LPIN1: variants seen among roughly 807,000 people sequenced by gnomAD.
LPIN1 encodes phosphatidate phosphatase LPIN1.
In LPIN1, 71 loss-of-function variants were observed where a neutral mutation model predicts 107.5. That is an observed-to-expected ratio of 0.66 (90% CI 0.55 to 0.80). LPIN1 has a LOEUF of 0.80. LPIN1 is among the 30% of genes least tolerant of loss of function. The pLI, the probability that LPIN1 is intolerant of heterozygous loss-of-function variation, is 0.00. For missense variants in LPIN1, 1,043 were observed against 1,160.6 expected, an observed-to-expected ratio of 0.90 and a Z score of 1.47; for synonymous variants, 445 against 452.6, an observed-to-expected ratio of 0.98 and a Z score of 0.21.
chr2:11,711,785 G>T (rs2148524452), intron 1 of LPIN1, among the ~76,000 whole-genome samples: 1 of 152,214 alleles, frequency 6.6e-6, no homozygotes, highest in African/African-American at 2.4e-5. Flanking sequence ...TCACTTCTCT[G>T]CCTCGAATCC....
rs563551469 is a variant in LPIN1 at position 11,759,425 on chromosome 2, A to G, written c.-9-6108A>G. On this transcript the variant is annotated intron_variant, in intron 1 of 20. Coordinates refer to ENST00000674199, the MANE Select transcript of LPIN1 (RefSeq NM_001349206.2). ...CCTTCAAGCATCTGTTTAACAAAGC[A>G]CATCTTGCACCGCCCTTAATCCATT... Among the ~76,000 whole-genome samples the G allele has an allele frequency of 1.9e-4, 29 of 152,238 alleles. No homozygotes were observed. In the South Asian group the frequency reaches 4.4e-3, roughly 23 times the overall value.
intron 12 of LPIN1, 138 bp from the exon 13 acceptor site, chr2:11,791,776 C>T (rs546867021): frequency 3.0e-5 from 44 of 1,488,930 alleles, no homozygotes; most frequent in Middle Eastern, 1.8e-4. Flanking sequence ...AAATTTTTAA[C>T]GCACAAATAG....
At chr2:11,764,127 A>T (rs1670398845) in intron 1 of LPIN1, 1 of 141,876 alleles carries the variant, frequency 7.0e-6, no homozygotes, top group Non-Finnish European at 1.5e-5. Flanking sequence ...CACAACGACT[A>T]AAATATATGT....
chr2:11,795,726 A>G (rs142681953), intron 14 of LPIN1, among the ~76,000 whole-genome samples: 10 of 152,388 alleles, frequency 6.6e-5, no homozygotes, highest in African/African-American at 2.4e-4. Flanking sequence ...TAATATAACT[A>G]GAGCATTTCT....
rs754257739 is a variant in LPIN1 at position 11,779,501 on chromosome 2, C to T, written c.831-18C>T. 5 of 1,612,446 alleles carry T rather than the reference C, an allele frequency of 3.1e-6. No homozygotes were observed. In the African/African-American group the frequency reaches 4.0e-5, roughly 13 times the overall value. On this transcript the variant is annotated intron_variant, in intron 6 of 20. Coordinates refer to ENST00000674199, the MANE Select transcript of LPIN1 (RefSeq NM_001349206.2). ...GTTTCTTTTCCCACCTTAATTTTCG[C>T]TTTGTGTTTTCCTTAAGTCCTTCCG...
rs1473953468 is a variant in LPIN1, at chr2:11,765,873, T to C, written c.192+140T>C. 4.4e-6 allele frequency: 3 copies of C among 685,684 alleles called. No individual in the cohort carries two copies. The highest frequency in any genetic ancestry group is 7.2e-6 in the Non-Finnish European group (3 of 413,874). 42.5% of individuals were successfully genotyped at this position (685,684 alleles called of 1,614,324 possible). On this transcript the variant is annotated intron_variant, in intron 2 of 20. Transcript: ENST00000674199. The surrounding 1 kb of genome is among the most constrained non-coding windows in gnomAD (Gnocchi z 4.4). ...AAATGGCCAGTCACGGAACTGACAG[T>C]GACTAATTGAAATTATTCTAGTTAG...
intron 12 of LPIN1, among the ~76,000 whole-genome samples, chr2:11,789,782 A>G (rs1431285728): frequency 7.0e-6 from 1 of 142,350 alleles, no homozygotes; most frequent in Non-Finnish European, 1.6e-5. Context: ...GGCCATTGCA[A>G]TAGCAATATA....
chr2:11,815,034 C>A, intron 17 of LPIN1, 54 bp from the exon 18 acceptor site: 1 of 1,535,960 alleles, frequency 6.5e-7, no homozygotes, highest in Non-Finnish European at 9.0e-7. Flanking sequence ...TTTATGAATG[C>A]AGAAAGGTTC....
intron 1 of LPIN1, among the ~76,000 whole-genome samples, chr2:11,696,220 C>T (rs1662571894): frequency 6.9e-6 from 1 of 143,946 alleles, no homozygotes; most frequent in Admixed American, 6.9e-5. Flanking sequence ...GTGTGGTGTT[C>T]CCCTCCCTGT....
intron 20 of LPIN1, among the ~76,000 whole-genome samples, chr2:11,821,039 A>G (rs976759718): frequency 1.4e-4 from 22 of 152,076 alleles, no homozygotes; most frequent in Non-Finnish European, 3.1e-4. Flanking sequence ...GCTTAGAATC[A>G]CTCTTGACTT....
chr2:11,700,737 G>A (rs572861698), intron 1 of LPIN1, among the ~76,000 whole-genome samples: 11 of 152,230 alleles, frequency 7.2e-5, no homozygotes, highest in South Asian at 6.2e-4. Flanking sequence ...CTAATTAAAC[G>A]TCCCCCTGGG....
At chr2:11,755,112 C>G (rs1195470070) in intron 1 of LPIN1, among the ~76,000 whole-genome samples, 2 of 151,930 alleles carry the variant, frequency 1.3e-5, no homozygotes, top group Admixed American at 6.5e-5. Context: ...ACTACAGGCG[C>G]CCGCCACCAT....
intron 1 of LPIN1, among the ~76,000 whole-genome samples, chr2:11,688,544 A>C (rs560827825): frequency 6.6e-6 from 1 of 152,294 alleles, no homozygotes; most frequent in African/African-American, 2.4e-5. Flanking sequence ...AGCCCTTCGC[A>C]GAAACATCTT....
At chr2:11,781,659 A>G (rs1673587379) in intron 7 of LPIN1, among the ~76,000 whole-genome samples, 2 of 152,218 alleles carry the variant, frequency 1.3e-5, no homozygotes, top group African/African-American at 4.8e-5. Flanking sequence ...AAATACACAC[A>G]TTGTAAATGT....
At chr2:11,767,005 AG>A (rs984495937) in intron 2 of LPIN1, among the ~76,000 whole-genome samples, 1 of 152,156 alleles carries the variant, frequency 6.6e-6, no homozygotes, top group Admixed American at 6.5e-5. Context: ...CCGTTCAGTC[AG>A]TTGCGAGCTT....
rs1420010042 is a variant in LPIN1, at chr2:11,776,206, T to C, written c.830+13T>C. The C allele has an allele frequency of 6.8e-7, 1 of 1,478,692 alleles. No homozygotes were observed. The highest frequency in any genetic ancestry group is 2.5e-5 in the East Asian group (1 of 40,348). 91.6% of individuals were successfully genotyped at this position (1,478,692 alleles called of 1,614,324 possible). A position where few individuals can be genotyped will look rare whatever the true frequency, so the allele number is the denominator to read the frequency against. ...ATCCTTCGGAAAGGTAGAGGAGTTA[T>C]TTTCCCCATTGGGATATATTCAATA... On this transcript the variant is annotated intron_variant, in intron 6 of 20. Coordinates refer to ENST00000674199, the MANE Select transcript of LPIN1 (RefSeq NM_001349206.2).
chr2:11,811,850 TA>T (rs1408619663), intron 17 of LPIN1, among the ~76,000 whole-genome samples: 6 of 152,104 alleles, frequency 3.9e-5, no homozygotes, highest in Non-Finnish European at 5.9e-5. Context: ...CTGGGCGTGG[TA>T]GTGCATGCCT....
chr2:11,679,727 C>T (rs1250085086), intron 1 of LPIN1, among the ~76,000 whole-genome samples: 1 of 152,246 alleles, frequency 6.6e-6, no homozygotes, highest in African/African-American at 2.4e-5. Flanking sequence ...ACCCCTGCCC[C>T]GGCAGTCTCT....
intron 1 of LPIN1, among the ~76,000 whole-genome samples, chr2:11,693,281 C>A (rs2148509054): frequency 6.7e-6 from 1 of 149,322 alleles, no homozygotes; most frequent in African/African-American, 2.5e-5. Context: ...GCATGTTTAG[C>A]AAATTGCCCA....
Sources: gnomAD v4.1 joint callset for allele counts (sites outside exome capture counted in the v4.1 genomes callset) on GRCh38, gnomAD v4.1.1 for gene constraint, Gnocchi (gnomAD v3.1) non-coding constraint, MANE v1.5 for transcripts, NCBI Gene and HGNC (gene_info 2026-07-23, HGNC 2026-07-21) for gene names.